CAPZB: variants seen among roughly 807,000 people sequenced by gnomAD.
CAPZB encodes capping actin protein of muscle Z-line subunit beta.
In CAPZB, 2 loss-of-function variants were observed where a neutral mutation model predicts 38.1. That is an observed-to-expected ratio of 0.05 (90% CI 0.02 to 0.17). The LOEUF (loss-of-function observed/expected upper bound fraction) is 0.17, where lower values mean the gene tolerates loss of function less well. Ranked by LOEUF, CAPZB falls within the 10% of genes least tolerant of loss-of-function variation. The pLI is 1.00. For synonymous variants in CAPZB, 107 were observed against 127.4 expected, an observed-to-expected ratio of 0.84 and a Z score of 1.08; for missense variants, 161 against 334.2, an observed-to-expected ratio of 0.48 and a Z score of 4.04.
At chr1:19,385,173 A>T (rs1334689122) in intron 3 of CAPZB, among the ~76,000 whole-genome samples, 1 of 152,108 alleles carries the variant, frequency 6.6e-6, no homozygotes, top group Non-Finnish European at 1.5e-5. Flanking sequence ...ACTGAATGCA[A>T]TTATAATAGA....
intron 1 of CAPZB, among the ~76,000 whole-genome samples, chr1:19,438,591 CAG>C (rs2094465738): frequency 6.6e-6 from 1 of 152,212 alleles, no homozygotes; most frequent in Non-Finnish European, 1.5e-5. Context: ...TCCCGCCACT[CAG>C]AGGAAGCCAA....
rs148184095 is a variant in CAPZB at position 19,406,958 on chromosome 1, C to A, written c.93+12703G>T. ...GATGAGGAAACTGAGGCTCAGTGGT[C>A]ACACAGCTAAGACGTGGTAAAGACA... On this transcript the variant is annotated intron_variant, in intron 2 of 8. Coordinates refer to ENST00000264202, the MANE Select transcript of CAPZB (RefSeq NM_004930.5). Among the ~76,000 whole-genome samples, 13 of 152,296 alleles carry A rather than the reference C, an allele frequency of 8.5e-5. 1 individual carries two copies. The East Asian group carries it at 2.3e-3, about 27-fold the overall frequency.
At chr1:19,383,893 C>A (rs2094189918) in intron 3 of CAPZB, among the ~76,000 whole-genome samples, 1 of 152,132 alleles carries the variant, frequency 6.6e-6, no homozygotes, top group Non-Finnish European at 1.5e-5. Context: ...TCCATCCCCA[C>A]CTACCTGCAG....
chr1:19,372,831 ATT>A (rs1448687805), intron 4 of CAPZB, among the ~76,000 whole-genome samples: 2 of 152,114 alleles, frequency 1.3e-5, no homozygotes, highest in African/African-American at 4.8e-5. Flanking sequence ...AGGCCCATCA[ATT>A]ACAGGCAGAA....
At chr1:19,394,393 G>C (rs931463212) in intron 2 of CAPZB, among the ~76,000 whole-genome samples, 1 of 152,122 alleles carries the variant, frequency 6.6e-6, no homozygotes. Flanking sequence ...CACATTAAGT[G>C]TAAGAAGCAA....
At chr1:19,456,795 A>G (rs1244843482) in intron 1 of CAPZB, among the ~76,000 whole-genome samples, 1 of 152,188 alleles carries the variant, frequency 6.6e-6, no homozygotes, top group African/African-American at 2.4e-5. Flanking sequence ...AAAACCCAAT[A>G]ATGTTATAAA....
In CAPZB at chr1:19,403,995, G is replaced by T. The variant is rs117432245; in HGVS notation, c.93+15666C>A. On this transcript the variant is annotated intron_variant, in intron 2 of 8. Transcript: ENST00000264202. Reference sequence around the variant, plus strand: ...GAAGTACAAGAGGTAACAGTAGTAGGCCGGGCACGGTGGCATCACTTGAGG... The same window carrying T: ...GAAGTACAAGAGGTAACAGTAGTAGTCCGGGCACGGTGGCATCACTTGAGG... Among the ~76,000 whole-genome samples the T allele has an allele frequency of 3.0e-3, 453 of 152,264 alleles. 3 individuals are homozygous for T. The highest frequency in any genetic ancestry group is 0.027 in the South Asian group (129 of 4,826).
chr1:19,470,336 A>G (rs2094582923), intron 1 of CAPZB, among the ~76,000 whole-genome samples: 2 of 152,190 alleles, frequency 1.3e-5, no homozygotes, highest in African/African-American at 4.8e-5. Flanking sequence ...TATGTACCCC[A>G]TAAACATGAG....
At chr1:19,433,960 G>T (rs753913583) in intron 1 of CAPZB, among the ~76,000 whole-genome samples, 1 of 152,208 alleles carries the variant, frequency 6.6e-6, no homozygotes, top group Non-Finnish European at 1.5e-5. Flanking sequence ...TGGCCCTCTG[G>T]CTCCCCTAAA....
chr1:19,395,777 A>T (rs1165331635), intron 2 of CAPZB, among the ~76,000 whole-genome samples: 3 of 152,124 alleles, frequency 2.0e-5, no homozygotes, highest in Non-Finnish European at 4.4e-5. Flanking sequence ...TTAATTAAGG[A>T]CTCGTCCCTG....
At chr1:19,367,755 T>G (rs939698784) in intron 4 of CAPZB, among the ~76,000 whole-genome samples, 15 of 152,190 alleles carry the variant, frequency 9.9e-5, no homozygotes, top group Admixed American at 3.9e-4. Context: ...AGAAGGCACA[T>G]CTGGACTGTG....
chr1:19,362,710 T>C (rs1297172365), intron 4 of CAPZB, among the ~76,000 whole-genome samples: 2 of 151,566 alleles, frequency 1.3e-5, no homozygotes, highest in African/African-American at 4.8e-5. Context: ...GAGCTTTTCC[T>C]AGGCTTCTTT....
rs2094478821 is a variant in CAPZB, at chr1:19,442,010, A to AG, written c.4-22261_4-22260insC. Among the ~76,000 whole-genome samples, 6 of 13,218 alleles carry AG rather than the reference A, an allele frequency of 4.5e-4. No individual in the cohort carries two copies. The South Asian group carries it at 8.2e-3, about 18-fold the overall frequency. The allele number at this position is 13,218 out of a possible 152,430, so 8.7% of individuals were successfully genotyped here. A position where few individuals can be genotyped will look rare whatever the true frequency, so the allele number is the denominator to read the frequency against. ...GGCGACAGAGCAAGACTCTGTCTCC[A>AG]AAAAAAAAAAAAAAAAAAGCACAGG... is the stretch of plus-strand genomic sequence containing the variant. On this transcript the variant is annotated intron_variant, in intron 1 of 8. Coordinates refer to ENST00000264202, the MANE Select transcript of CAPZB (RefSeq NM_004930.5).
At chr1:19,382,702 C>T (rs34542888) in intron 3 of CAPZB, among the ~76,000 whole-genome samples, 6,708 of 152,236 alleles carry the variant, frequency 0.044, 205 homozygotes, top group Middle Eastern at 0.075. Flanking sequence ...CCAAGTCTCC[C>T]GCAGAGCCTG....
At chr1:19,382,156 A>G (rs1231722074) in intron 3 of CAPZB, among the ~76,000 whole-genome samples, 1 of 152,178 alleles carries the variant, frequency 6.6e-6, no homozygotes, top group Admixed American at 6.5e-5. Flanking sequence ...TTTCGGGCAG[A>G]CTGGGGGCCT....
intron 6 of CAPZB, among the ~76,000 whole-genome samples, chr1:19,355,134 C>A (rs59980977): frequency 0.048 from 7,378 of 152,176 alleles, 558 homozygotes; most frequent in African/African-American, 0.16. Context: ...ATTCACCTTG[C>A]GCCACTATTT....
intron 1 of CAPZB, among the ~76,000 whole-genome samples, chr1:19,471,567 C>CGAGAAATGCT (rs569092359): frequency 0.47 from 71,010 of 151,276 alleles, 17,946 homozygotes; most frequent in Non-Finnish European, 0.57. Flanking sequence ...TCTGTTACGT[C>CGAGAAATGCT]GAGAAATGCT....
intron 1 of CAPZB, chr1:19,484,640 A>G: frequency 1.7e-6 from 2 of 1,170,814 alleles, no homozygotes; most frequent in Non-Finnish European, 2.1e-6. Flanking sequence ...AAGGCTGCAA[A>G]GAAGGCGCGC....
chr1:19,463,982 C>T (rs1441863671), intron 1 of CAPZB, among the ~76,000 whole-genome samples: 4 of 149,304 alleles, frequency 2.7e-5, no homozygotes, highest in African/African-American at 9.9e-5. Context: ...GAGTTTGAGC[C>T]GGGCCAACAT....
Sources: gnomAD v4.1 joint callset for allele counts (sites outside exome capture counted in the v4.1 genomes callset) on GRCh38, gnomAD v4.1.1 for gene constraint, MANE v1.5 for transcripts, NCBI Gene and HGNC (gene_info 2026-07-23, HGNC 2026-07-21) for gene names.